WWOX: variants seen among roughly 807,000 people sequenced by gnomAD.
The protein encoded by WWOX is WW domain-containing oxidoreductase.
WWOX carries 69 observed loss-of-function variants against 46.2 expected under a neutral mutation model. The ratio of observed to expected loss-of-function variants is 1.49; its 90% CI spans 1.23 to 1.82. The LOEUF (loss-of-function observed/expected upper bound fraction) is 1.82. WWOX is among the 40% of genes most tolerant of loss of function. The pLI, the probability that WWOX is intolerant of heterozygous loss-of-function variation, is 0.00. For synonymous variants in WWOX, 359 were observed against 202.6 expected (o/e 1.77, Z -6.56); for missense variants, 919 against 542.6 (o/e 1.69, Z -6.89).
chr16:78,683,609 C>T (rs1396371500), intron 8 of WWOX, among the ~76,000 whole-genome samples: 1 of 151,836 alleles, frequency 6.6e-6, no homozygotes, highest in Non-Finnish European at 1.5e-5. Context: ...GCTTTGTTGC[C>T]TAGGCTGGTC....
chr16:78,598,127 G>T (rs1399117635), intron 8 of WWOX, among the ~76,000 whole-genome samples: 1 of 152,138 alleles, frequency 6.6e-6, no homozygotes, highest in Non-Finnish European at 1.5e-5. Flanking sequence ...GGGAATCATG[G>T]ATTTTCTACA....
intron 8 of WWOX, among the ~76,000 whole-genome samples, chr16:78,816,502 C>CTTTTTTT (rs55814418): frequency 0.016 from 691 of 42,114 alleles, 90 homozygotes; most frequent in Middle Eastern, 0.048. Flanking sequence ...AGGAGCCACT[C>CTTTTTTT]TTTTTTTTTT....
chr16:78,804,299 A>G (rs377074043), intron 8 of WWOX, among the ~76,000 whole-genome samples: 1 of 152,170 alleles, frequency 6.6e-6, no homozygotes, highest in East Asian at 1.9e-4. Context: ...CCTCAATTTC[A>G]TTGAGATGGG....
intron 8 of WWOX, among the ~76,000 whole-genome samples, chr16:78,999,519 A>G (rs1567472413): frequency 6.6e-6 from 1 of 152,220 alleles, no homozygotes; most frequent in African/African-American, 2.4e-5. Flanking sequence ...GGTACAGAAA[A>G]TGATCTGCAT....
intron 8 of WWOX, among the ~76,000 whole-genome samples, chr16:78,724,066 C>T (rs904803210): frequency 6.6e-6 from 1 of 152,148 alleles, no homozygotes; most frequent in Non-Finnish European, 1.5e-5. Context: ...CAGCATATCT[C>T]AGATCCAACC....
intron 5 of WWOX, among the ~76,000 whole-genome samples, chr16:78,288,918 A>C (rs1458014804): frequency 6.6e-6 from 1 of 152,216 alleles, no homozygotes; most frequent in Non-Finnish European, 1.5e-5. Context: ...GCAGAAGAAC[A>C]ACAACAAAAA....
intron 8 of WWOX, among the ~76,000 whole-genome samples, chr16:78,596,259 A>G (rs1031337699): frequency 6.6e-6 from 1 of 152,142 alleles, no homozygotes; most frequent in Non-Finnish European, 1.5e-5. Flanking sequence ...TCTTTTGTTC[A>G]TTTGTTTCAT....
chr16:78,966,113 G>C (rs887394963), intron 8 of WWOX, among the ~76,000 whole-genome samples: 1 of 152,174 alleles, frequency 6.6e-6, no homozygotes, highest in Admixed American at 6.5e-5. Context: ...TTACCTATCA[G>C]CTAAAGAACC....
chr16:78,340,869 C>G (rs187964931), intron 5 of WWOX, among the ~76,000 whole-genome samples: 1 of 118,954 alleles, frequency 8.4e-6, no homozygotes, highest in Non-Finnish European at 2.0e-5. Flanking sequence ...ACTGTTCTCA[C>G]CTGTTTATGT....
intron 5 of WWOX, among the ~76,000 whole-genome samples, chr16:78,367,374 G>T (rs547217234): frequency 1.6e-4 from 24 of 151,052 alleles, no homozygotes; most frequent in African/African-American, 5.9e-4. Flanking sequence ...CAACACAAAT[G>T]TATAAACTTG....
chr16:78,747,394 T>A (rs935818649), intron 8 of WWOX, among the ~76,000 whole-genome samples: 1 of 151,976 alleles, frequency 6.6e-6, no homozygotes, highest in Non-Finnish European at 1.5e-5. Flanking sequence ...AATATCACTT[T>A]CTCAGAGGCC....
chr16:79,010,414 A>G (rs1294280884), intron 8 of WWOX, among the ~76,000 whole-genome samples: 2 of 152,096 alleles, frequency 1.3e-5, no homozygotes, highest in Non-Finnish European at 2.9e-5. Context: ...TATGTTTGCT[A>G]ATCAAGTGAA....
At chr16:78,399,571 C>T (rs1029817618) in intron 6 of WWOX, among the ~76,000 whole-genome samples, 5 of 152,162 alleles carry the variant, frequency 3.3e-5, no homozygotes, top group African/African-American at 4.8e-5. Context: ...CTTTGACCTG[C>T]AGTGAGACCA....
chr16:78,675,168 T>TTTTTATGTA (rs1439209741), intron 8 of WWOX, among the ~76,000 whole-genome samples: 1 of 152,102 alleles, frequency 6.6e-6, no homozygotes, highest in Non-Finnish European at 1.5e-5. Flanking sequence ...GGTAGGATTA[T>TTTTTATGTA]TTTTATGTAT....
intron 8 of WWOX, among the ~76,000 whole-genome samples, chr16:79,179,948 G>A (rs559734661): frequency 1.3e-5 from 2 of 152,176 alleles, no homozygotes; most frequent in South Asian, 2.1e-4. Context: ...AGGTGATGAA[G>A]TTTACATACA....
At chr16:79,197,817 T>A (rs2051269903) in intron 8 of WWOX, among the ~76,000 whole-genome samples, 1 of 152,112 alleles carries the variant, frequency 6.6e-6, no homozygotes, top group Non-Finnish European at 1.5e-5. Context: ...CATCCCACCA[T>A]GATGATGGGA....
intron 4 of WWOX, among the ~76,000 whole-genome samples, chr16:78,147,270 C>G (rs977428218): frequency 6.6e-6 from 1 of 151,862 alleles, no homozygotes; most frequent in Non-Finnish European, 1.5e-5. Context: ...CATTTTGCCT[C>G]TTTTTTGTAT....
intron 6 of WWOX, among the ~76,000 whole-genome samples, chr16:78,395,803 G>C (rs2082272161): frequency 6.6e-6 from 1 of 150,838 alleles, no homozygotes; most frequent in African/African-American, 2.4e-5. Context: ...TGTTATTCTT[G>C]ATTTATGCTG....
chr16:78,635,697 G>T (rs940291925), intron 8 of WWOX, among the ~76,000 whole-genome samples: 1 of 152,118 alleles, frequency 6.6e-6, no homozygotes, highest in East Asian at 1.9e-4. Context: ...ACTACTTAGC[G>T]CTGTCAACAT....
Sources: gnomAD v4.1 joint callset for allele counts (sites outside exome capture counted in the v4.1 genomes callset) on GRCh38, gnomAD v4.1.1 for gene constraint, MANE v1.5 for transcripts, NCBI Gene and HGNC (gene_info 2026-07-23, HGNC 2026-07-21) for gene names.